The following ARGFX variants were observed in gnomAD, a reference collection of about 807,000 sequenced individuals.
ARGFX encodes arginine-fifty homeobox.
A neutral mutation model predicts 8.0 loss-of-function variants in ARGFX; 10 were observed. The observed-to-expected ratio is 1.25, with a 90% CI of 0.77 to 2.12. The LOEUF (loss-of-function observed/expected upper bound fraction) is 2.12. ARGFX is among the 30% of genes most tolerant of loss of function. The probability of loss-of-function intolerance (pLI) is 0.00; values close to 1 mark genes in which losing one functional copy is unlikely to be tolerated. For synonymous variants in ARGFX, 116 were observed against 117.8 expected, an observed-to-expected ratio of 0.98 and a Z score of 0.10; for missense variants, 282 against 324.3, an observed-to-expected ratio of 0.87 and a Z score of 1.00.
chr3:121,577,226 CATATATAT>C (rs71133554), intron 3 of ARGFX, among the ~76,000 whole-genome samples: 24 of 87,114 alleles, frequency 2.8e-4, no homozygotes, highest in African/African-American at 9.5e-4. Flanking sequence ...TCTACATGTA[CATATATAT>C]ATATATATAT....
At chr3:121,585,850 A>G (rs1372755174) in intron 4 of ARGFX, among the ~76,000 whole-genome samples, 172 bp from the exon 5 acceptor site, 1 of 152,044 alleles carries the variant, frequency 6.6e-6, no homozygotes, top group Admixed American at 6.6e-5. Flanking sequence ...CCTGATCTTC[A>G]TCATCCCTCC....
intron 3 of ARGFX, among the ~76,000 whole-genome samples, chr3:121,577,259 A>ATATTT (rs1403064031): frequency 0.016 from 923 of 59,202 alleles, 17 homozygotes; most frequent in East Asian, 0.063. Flanking sequence ...ATATATATAT[A>ATATTT]TTTTTTTTTT....
intron 3 of ARGFX, among the ~76,000 whole-genome samples, chr3:121,582,530 C>T (rs1369749401): frequency 6.6e-6 from 1 of 152,060 alleles, no homozygotes; most frequent in African/African-American, 2.4e-5. Context: ...GAAATATGTA[C>T]ATTTAAAGTG....
chr3:121,585,961 G>GAA, intron 4 of ARGFX, 61 bp from the exon 5 acceptor site: 1 of 1,479,080 alleles, frequency 6.8e-7, no homozygotes, highest in Non-Finnish European at 9.1e-7. Context: ...TCACTCAGGA[G>GAA]AATCCTCCAA....
Position 121,586,012 on chromosome 3 carries a change from C to T in ARGFX, c.370-10C>T. The T allele has an allele frequency of 6.4e-7, 1 of 1,556,618 alleles. No individual in the cohort carries two copies. The highest frequency in any genetic ancestry group is 2.2e-5 in the East Asian group (1 of 44,576). ...CAGACCACAATCTCCCCCTCTTCCC[C>T]TACTCCCAGGTTTGGTTCAGGAACC... On this transcript the variant is annotated splice_polypyrimidine_tract_variant and intron_variant, in intron 4 of 4. Transcript: ENST00000334384.
chr3:121,582,053 T>C (rs1467761724), intron 3 of ARGFX, among the ~76,000 whole-genome samples: 2 of 152,204 alleles, frequency 1.3e-5, no homozygotes, highest in African/African-American at 4.8e-5. Flanking sequence ...TTGTACTATT[T>C]GTACATATTG....
At chr3:121,569,060 AT>A (rs2108832994) in intron 1 of ARGFX, among the ~76,000 whole-genome samples, 1 of 152,364 alleles carries the variant, frequency 6.6e-6, no homozygotes, top group African/African-American at 2.4e-5. Context: ...AAAATGATAA[AT>A]GCGTGACGTG....
intron 3 of ARGFX, 21 bp from the exon 4 acceptor site, chr3:121,584,896 T>C (rs1483209484): frequency 6.2e-7 from 1 of 1,601,354 alleles, no homozygotes; most frequent in Non-Finnish European, 8.5e-7. Context: ...TAACCACCCC[T>C]TCTTTATCTC....
At chr3:121,580,596 A>G (rs71329226) in intron 3 of ARGFX, among the ~76,000 whole-genome samples, 2,327 of 66,618 alleles carry the variant, frequency 0.035, 65 homozygotes, top group African/African-American at 0.094. Context: ...GTGTGTGTGT[A>G]TATATATATA....
rs1403064031 is a variant in ARGFX at position 121,577,259 on chromosome 3, A to ATATTTTT, written c.220+360_220+361insATTTTTT. Among the ~76,000 whole-genome samples, 135 of 59,572 alleles carry ATATTTTT rather than the reference A, an allele frequency of 2.3e-3. 1 individual carries two copies. The highest frequency in any genetic ancestry group is 6.7e-3 in the African/African-American group (108 of 16,034). The allele number at this position is 59,572 out of a possible 152,430, so 39.1% of individuals were successfully genotyped here. On this transcript the variant is annotated intron_variant, in intron 3 of 4. Transcript: ENST00000334384. ...TATATATATATATATATATATATAT[A>ATATTTTT]TTTTTTTTTTTTTAAATGGAGTCTC... is the stretch of plus-strand genomic sequence containing the variant.
At chr3:121,578,324 T>C (rs809921) in intron 3 of ARGFX, among the ~76,000 whole-genome samples, 1 of 151,748 alleles carries the variant, frequency 6.6e-6, no homozygotes, top group Non-Finnish European at 1.5e-5. Context: ...ATGGGGTTTC[T>C]CCATGTTCGT....
At chr3:121,584,242 G>GGAAA (rs1355343865) in intron 3 of ARGFX, among the ~76,000 whole-genome samples, 4 of 148,784 alleles carry the variant, frequency 2.7e-5, no homozygotes, top group African/African-American at 9.9e-5. Context: ...AAGGAAGGAA[G>GGAAA]GAAGGAAGGA....
intron 3 of ARGFX, among the ~76,000 whole-genome samples, chr3:121,579,661 G>A (rs1319903341): frequency 6.6e-6 from 1 of 152,144 alleles, no homozygotes; most frequent in East Asian, 1.9e-4. Flanking sequence ...TATCTTGTAT[G>A]TTGGTCATAT....
chr3:121,574,274 C>T (rs868763795), intron 2 of ARGFX, among the ~76,000 whole-genome samples: 1 of 152,140 alleles, frequency 6.6e-6, no homozygotes, highest in African/African-American at 2.4e-5. Flanking sequence ...TTGTGGAAGA[C>T]AGTTTTTCCA....
chr3:121,576,464 G>A (rs142658650), intron 2 of ARGFX, among the ~76,000 whole-genome samples: 3,286 of 152,108 alleles, frequency 0.022, 52 homozygotes, highest in Non-Finnish European at 0.028. Flanking sequence ...TCAGCCTACC[G>A]AGTAGCTGGG....
In ARGFX at chr3:121,588,502, T is replaced by G. The variant is rs1278535562; in HGVS notation, c.*1902T>G. Reference sequence around the variant, plus strand: ...CAAAAAAAAAATAAAAAATAAAAAATAAAAAATAAAAGAAACATAAGATAA... The same window carrying G: ...CAAAAAAAAAATAAAAAATAAAAAAGAAAAAATAAAAGAAACATAAGATAA... On this transcript the variant is annotated 3_prime_UTR_variant, in exon 5 of 5. Coordinates refer to ENST00000334384, the MANE Select transcript of ARGFX (RefSeq NM_001012659.2). 6.7e-6 allele frequency among the ~76,000 whole-genome samples: 1 copy of G among 148,710 alleles called. No individual in the cohort carries two copies. The highest frequency in any genetic ancestry group is 2.5e-5 in the African/African-American group (1 of 40,564).
intron 2 of ARGFX, among the ~76,000 whole-genome samples, chr3:121,574,805 C>T (rs1478491892): frequency 6.6e-6 from 1 of 152,176 alleles, no homozygotes; most frequent in Non-Finnish European, 1.5e-5. Context: ...ATTGTTATTT[C>T]TTACATCTCA....
chr3:121,577,017 T>G (rs116776770), intron 3 of ARGFX, 117 bp downstream of exon 3: 2,495 of 152,382 alleles, frequency 0.016, 35 homozygotes, highest in Non-Finnish European at 0.024. Flanking sequence ...TAAAATAAAT[T>G]AAGATAATGG....
At position 121,586,090 on chromosome 3, in the gene ARGFX, C is replaced by T. The variant is rs1243957848; in HGVS notation, c.438C>T (p.Asn146=). 6.2e-7 allele frequency: 1 copy of T among 1,606,250 alleles called. No homozygotes were observed. The highest frequency in any genetic ancestry group is 1.3e-5 in the African/African-American group (1 of 74,430). Residue 146 remains asparagine (N), a synonymous_variant, in exon 5 of 5, where the codon AAC becomes AAT. Transcript: ENST00000334384. The part of the protein sequence containing the change: ...QQQQQSAKQR[N]QILPSKKNVP... The stretch of plus-strand genomic sequence containing the variant: ...AGCAGCAATCAGCAAAGCAACGAAA[C>T]CAGATCCTTCCATCCAAGAAGAATG...
Sources: gnomAD v4.1 joint callset for allele counts (sites outside exome capture counted in the v4.1 genomes callset) on GRCh38, gnomAD v4.1.1 for gene constraint, MANE v1.5 for transcripts, NCBI Gene and HGNC (gene_info 2026-07-23, HGNC 2026-07-21) for gene names.